The following CEPT1 variants were observed in gnomAD, a reference collection of about 807,000 sequenced individuals.
CEPT1 encodes choline/ethanolaminephosphotransferase 1.
CEPT1 carries 7 observed loss-of-function variants against 42.6 expected under a neutral mutation model. The ratio of observed to expected loss-of-function variants is 0.16; its 90% CI spans 0.09 to 0.31. The LOEUF (loss-of-function observed/expected upper bound fraction) is 0.31. Among genes scored for constraint, CEPT1 ranks in the 10% least tolerant of loss-of-function variants. The pLI is 1.00. For synonymous variants in CEPT1, 171 were observed against 171.9 expected, an observed-to-expected ratio of 0.99 and a Z score of 0.04; for missense variants, 306 against 502.1, an observed-to-expected ratio of 0.61 and a Z score of 3.73.
chr1:111,173,532 A>G (rs1229409051), intron 4 of CEPT1, among the ~76,000 whole-genome samples: 1 of 152,172 alleles, frequency 6.6e-6, no homozygotes, highest in Non-Finnish European at 1.5e-5. Flanking sequence ...TGTTCTGGGA[A>G]TTGAATCCCT....
intron 4 of CEPT1, chr1:111,167,032 A>G (rs1382285642): frequency 3.1e-6 from 2 of 639,376 alleles, no homozygotes; most frequent in Non-Finnish European, 3.9e-6. Context: ...TATTTTTGTT[A>G]CCTGTGTTAG....
In CEPT1 at chr1:111,147,734, C is replaced by A; in HGVS notation, c.20C>A (p.Thr7Lys). MSGHRS[T>K]RKRCGDSHPE... ...AGATCCATGAGTGGGCATCGATCAA[C>A]AAGGAAAAGATGTGGAGATTCTCAC... is the stretch of plus-strand genomic sequence containing the variant. Residue 7 changes from threonine (T) to lysine (K), a missense_variant, in exon 2 of 9, where the codon ACA becomes AAA. By Grantham distance (78) the Thr-to-Lys change is moderately conservative. This residue lies in a region of CEPT1 where 53 missense variants were observed against 54.8 expected (regional missense o/e 0.97). Coordinates refer to ENST00000357172, the MANE Select transcript of CEPT1 (RefSeq NM_006090.5). 2 of 1,607,058 alleles carry A rather than the reference C, an allele frequency of 1.2e-6. No individual in the cohort carries two copies. The highest frequency in any genetic ancestry group is 1.3e-5 in the African/African-American group (1 of 74,650).
intron 4 of CEPT1, among the ~76,000 whole-genome samples, chr1:111,173,546 C>G (rs1656525272): frequency 6.6e-6 from 1 of 152,124 alleles, no homozygotes; most frequent in African/African-American, 2.4e-5. Context: ...AATCCCTTTG[C>G]TGTTGTTACC....
chr1:111,172,230 A>G (rs1327887976), intron 4 of CEPT1, among the ~76,000 whole-genome samples: 1 of 152,070 alleles, frequency 6.6e-6, no homozygotes, highest in Non-Finnish European at 1.5e-5. Flanking sequence ...CTTTGACCAC[A>G]TACCCCATGT....
chr1:111,161,010 T>C, intron 3 of CEPT1, 145 bp from the exon 4 acceptor site: 2 of 821,404 alleles, frequency 2.4e-6, no homozygotes, highest in African/African-American at 1.7e-5. Context: ...ATGTAACAGA[T>C]TATATCCTAC....
At chr1:111,177,529 G>T (rs1656743465) in intron 5 of CEPT1, among the ~76,000 whole-genome samples, 1 of 152,134 alleles carries the variant, frequency 6.6e-6, no homozygotes, top group South Asian at 2.1e-4. Context: ...TGTAAATGAA[G>T]TTGTCTGTGC....
intron 5 of CEPT1, 169 bp from the exon 6 acceptor site, chr1:111,182,018 G>A: frequency 2.3e-6 from 1 of 433,490 alleles, no homozygotes; most frequent in Non-Finnish European, 4.1e-6. Context: ...CAACTCTTGA[G>A]ACTTGCTATA....
intron 5 of CEPT1, among the ~76,000 whole-genome samples, chr1:111,176,798 CCAT>C (rs1454318823): frequency 6.6e-6 from 1 of 152,096 alleles, no homozygotes; most frequent in African/African-American, 2.4e-5. Context: ...GTGTATTGAA[CCAT>C]CAGAAAGCAA....
chr1:111,147,562 T>C (rs1163721828), intron 1 of CEPT1, 80 bp from the exon 2 acceptor site: 1 of 532,458 alleles, frequency 1.9e-6, no homozygotes, highest in Non-Finnish European at 3.2e-6. Context: ...TTTTGTTTCC[T>C]AATTTGTTAA....
At position 111,161,165 on chromosome 1, in the gene CEPT1, T is replaced by C; in HGVS notation, c.498T>C (p.Val166=). ...GCDSLSTVFV[V]LGTCIAVQLG... is the part of the protein sequence containing the mutation. ...ATCTTTCTTCTGCAGTTTTTGTGGT[T>C]CTTGGAACTTGTATTGCAGTGCAGC... The change falls in exon 4 of 9, where the codon GTT becomes GTC. Residue 166 remains valine, a synonymous_variant. Coordinates refer to ENST00000357172, the MANE Select transcript of CEPT1 (RefSeq NM_006090.5). 1.2e-6 allele frequency: 2 copies of C among 1,614,112 alleles called. No individual in the cohort carries two copies. Among genetic ancestry groups the C allele is most frequent in the East Asian group, 4.5e-5 (2 of 44,868 alleles).
chr1:111,169,218 G>A (rs558668817), intron 4 of CEPT1, among the ~76,000 whole-genome samples: 173 of 152,264 alleles, frequency 1.1e-3, no homozygotes, highest in African/African-American at 3.8e-3. Context: ...GAAGTGTATC[G>A]TTAGCCTCCC....
At chr1:111,176,030 G>A (rs1440665909) in intron 5 of CEPT1, among the ~76,000 whole-genome samples, 2 of 152,102 alleles carry the variant, frequency 1.3e-5, no homozygotes, top group Non-Finnish European at 2.9e-5. Flanking sequence ...AGGTGCTTGA[G>A]GAAGTGTAAT....
intron 2 of CEPT1, among the ~76,000 whole-genome samples, chr1:111,151,115 T>G (rs1009468133): frequency 6.8e-6 from 1 of 147,040 alleles, no homozygotes; most frequent in African/African-American, 2.5e-5. Flanking sequence ...GCACTGCTTG[T>G]TTTTTTTTGT....
At chr1:111,157,188 A>T (rs1655617141) in intron 2 of CEPT1, among the ~76,000 whole-genome samples, 1 of 152,222 alleles carries the variant, frequency 6.6e-6, no homozygotes, top group African/African-American at 2.4e-5. Context: ...TCCAAAGTCA[A>T]GGAAACTTTT....
chr1:111,152,106 G>A (rs1655308813), intron 2 of CEPT1, among the ~76,000 whole-genome samples: 1 of 152,192 alleles, frequency 6.6e-6, no homozygotes, highest in African/African-American at 2.4e-5. Context: ...TTATCAGAAA[G>A]AGTCGTGTCA....
At chr1:111,159,080 A>G (rs1457324296) in intron 2 of CEPT1, among the ~76,000 whole-genome samples, 1 of 150,010 alleles carries the variant, frequency 6.7e-6, no homozygotes, top group African/African-American at 2.5e-5. Context: ...CGCCCGGCTA[A>G]TTTTTTGTAT....
At chr1:111,180,928 C>A (rs1179047563) in intron 5 of CEPT1, 10 of 152,238 alleles carry the variant, frequency 6.6e-5, no homozygotes, top group Non-Finnish European at 2.9e-5. Context: ...CTTTGGGAGG[C>A]TGAGGCTGGC....
intron 2 of CEPT1, 64 bp from the exon 3 acceptor site, chr1:111,159,316 T>C: frequency 2.0e-6 from 3 of 1,511,518 alleles, no homozygotes; most frequent in Non-Finnish European, 1.8e-6. Flanking sequence ...CAGGTAAAAA[T>C]ATGTTAGTCA....
At chr1:111,177,365 A>G (rs1465310887) in intron 5 of CEPT1, among the ~76,000 whole-genome samples, 2 of 152,240 alleles carry the variant, frequency 1.3e-5, no homozygotes, top group African/African-American at 4.8e-5. Context: ...GACCTGTCAC[A>G]TAAGCTCAAG....
Sources: gnomAD v4.1 joint callset for allele counts (sites outside exome capture counted in the v4.1 genomes callset) on GRCh38, gnomAD v4.1.1 for gene constraint, gnomAD v4.1.1 regional missense constraint, MANE v1.5 for transcripts, NCBI Gene and HGNC (gene_info 2026-07-23, HGNC 2026-07-21) for gene names.